Variants in METTL15 observed in about 807,000 individuals in gnomAD.
METTL15 encodes the protein methyltransferase 15, mitochondrial 12S rRNA N4-cytidine.
A neutral mutation model predicts 38.3 loss-of-function variants in METTL15; 34 were observed. The ratio of observed to expected loss-of-function variants is 0.89; its 90% CI spans 0.68 to 1.18. The LOEUF (loss-of-function observed/expected upper bound fraction) is 1.18. METTL15 is among the 50% of genes most tolerant of loss of function. The probability of loss-of-function intolerance (pLI) is 0.00; values close to 1 mark genes in which losing one functional copy is unlikely to be tolerated. For missense variants in METTL15, 438 were observed against 498.4 expected (o/e 0.88, Z 1.15); for synonymous variants, 162 against 170.9 (o/e 0.95, Z 0.41).
intron 4 of METTL15, among the ~76,000 whole-genome samples, chr11:28,260,015 G>C (rs1221160300): frequency 3.9e-5 from 6 of 152,066 alleles, no homozygotes; most frequent in Admixed American, 3.9e-4. Flanking sequence ...CATCCCTACT[G>C]CTGTAAATTT....
At chr11:28,195,643 C>A (rs57006672) in intron 3 of METTL15, among the ~76,000 whole-genome samples, 2 of 151,974 alleles carry the variant, frequency 1.3e-5, no homozygotes, top group South Asian at 4.1e-4. Context: ...CACATATTTT[C>A]TCTCATTCTC....
intron 6 of METTL15, among the ~76,000 whole-genome samples, chr11:28,439,065 T>G (rs1250921374): frequency 1.3e-5 from 2 of 151,590 alleles, no homozygotes; most frequent in Non-Finnish European, 2.9e-5. Flanking sequence ...GATGTCTGTG[T>G]AAGATCCAGC....
intron 4 of METTL15, chr11:28,287,449 T>C (rs538120596): frequency 5.2e-4 from 225 of 430,560 alleles, no homozygotes; most frequent in African/African-American, 4.3e-3. Context: ...CACAACAATT[T>C]TCCTAGCAAT....
At chr11:28,459,435 T>G (rs1002496065) in intron 6 of METTL15, among the ~76,000 whole-genome samples, 6 of 152,174 alleles carry the variant, frequency 3.9e-5, no homozygotes, top group Admixed American at 1.3e-4. Flanking sequence ...AGAAACTGTG[T>G]CTTTCTAAAG....
At chr11:28,199,116 G>A (rs569627161) in intron 3 of METTL15, among the ~76,000 whole-genome samples, 5 of 152,074 alleles carry the variant, frequency 3.3e-5, no homozygotes, top group South Asian at 4.2e-4. Flanking sequence ...GTTTGGAGGC[G>A]CAATATTCCC....
chr11:28,219,124 C>T (rs1011173226), intron 4 of METTL15, among the ~76,000 whole-genome samples: 13 of 151,996 alleles, frequency 8.6e-5, no homozygotes, highest in Admixed American at 6.6e-4. Flanking sequence ...GAATAGTTTT[C>T]GAAGGAATGG....
At chr11:28,206,332 C>T (rs1852341702) in intron 3 of METTL15, among the ~76,000 whole-genome samples, 1 of 152,058 alleles carries the variant, frequency 6.6e-6, no homozygotes, top group South Asian at 2.1e-4. Context: ...ATGTGGCTAG[C>T]CAGTTTTCCC....
At chr11:28,495,977 A>C (rs1851532561) in intron 6 of METTL15, among the ~76,000 whole-genome samples, 1 of 152,206 alleles carries the variant, frequency 6.6e-6, no homozygotes, top group Admixed American at 6.5e-5. Flanking sequence ...TCCTGAATGC[A>C]TGGGGGTCCG....
chr11:28,159,350 G>A (rs1030908029), intron 3 of METTL15, among the ~76,000 whole-genome samples: 2 of 151,932 alleles, frequency 1.3e-5, no homozygotes, highest in African/African-American at 4.8e-5. Context: ...ACCATGCCCT[G>A]TGATTAAGGT....
rs10660185 is a variant in METTL15 at position 28,161,107 on chromosome 11, C to CT, written c.270+47522dup. Among the ~76,000 whole-genome samples, 433 of 131,766 alleles carry CT rather than the reference C, an allele frequency of 3.3e-3. 12 individuals carry two copies. Among genetic ancestry groups the CT allele is most frequent in the African/African-American group, 7.9e-3 (291 of 36,868 alleles). The allele number at this position is 131,766 out of a possible 152,430, so 86.4% of individuals were successfully genotyped here. A position where few individuals can be genotyped will look rare whatever the true frequency, so the allele number is the denominator to read the frequency against. ...GATATAGTCAGATGTTTGCACCTTC[C>CT]TTTTTTTTTTTTTTTTTTTGTTTTT... On this transcript the variant is annotated intron_variant, in intron 3 of 6. Transcript: ENST00000407364.
intron 5 of METTL15, among the ~76,000 whole-genome samples, 171 bp downstream of exon 5, chr11:28,290,568 T>C (rs891466267): frequency 1.3e-5 from 2 of 152,174 alleles, no homozygotes; most frequent in Non-Finnish European, 2.9e-5. Flanking sequence ...AGTATTTCTC[T>C]GGATTTGGGA....
chr11:28,433,163 G>GTTTTTTTTTTTTTTTT (rs1209820099), intron 6 of METTL15, among the ~76,000 whole-genome samples: 1 of 93,776 alleles, frequency 1.1e-5, no homozygotes, highest in Non-Finnish European at 2.9e-5. Context: ...GTTTTGTTTT[G>GTTTTTTTTTTTTTTTT]TTTTTTTTGT....
chr11:28,488,835 T>A (rs1158780327), intron 6 of METTL15, among the ~76,000 whole-genome samples: 1 of 152,112 alleles, frequency 6.6e-6, no homozygotes, highest in Admixed American at 6.6e-5. Context: ...CTTTATTCCA[T>A]CTCTTCCTTC....
At chr11:28,313,830 G>T (rs984200114) in intron 6 of METTL15, among the ~76,000 whole-genome samples, 1 of 151,844 alleles carries the variant, frequency 6.6e-6, no homozygotes, top group Non-Finnish European at 1.5e-5. Flanking sequence ...AATAATTTGG[G>T]CATATTTAAG....
At chr11:28,118,739 A>G (rs1447010711) in intron 3 of METTL15, among the ~76,000 whole-genome samples, 6 of 152,164 alleles carry the variant, frequency 3.9e-5, no homozygotes, top group African/African-American at 1.4e-4. Flanking sequence ...CCCCACTAGT[A>G]CAAGTAGCTG....
chr11:28,160,186 C>T (rs752347480), intron 3 of METTL15, among the ~76,000 whole-genome samples: 12 of 151,786 alleles, frequency 7.9e-5, no homozygotes, highest in African/African-American at 2.2e-4. Context: ...TTTTGGCACT[C>T]GAACTGAGTT....
chr11:28,371,766 G>A lies in METTL15; in HGVS notation c.*358+9730G>A, dbSNP rs36098707. Among the ~76,000 whole-genome samples, 770 of 151,914 alleles carry A rather than the reference G, an allele frequency of 5.1e-3. 2 individuals are homozygous for A. Among genetic ancestry groups the A allele is most frequent in the Admixed American group, 0.01 (156 of 15,218 alleles). ...TATTATTTGAAGCCATTGTACATGGGTTTGCTTCTTAATTTATTTTTCAGA... is the reference window on the plus strand; with the variant it reads ...TATTATTTGAAGCCATTGTACATGGATTTGCTTCTTAATTTATTTTTCAGA... On this transcript the variant is annotated intron_variant and NMD_transcript_variant, in intron 5 of 7. Transcript: ENST00000532947.
intron 4 of METTL15, among the ~76,000 whole-genome samples, chr11:28,283,090 CTTTA>C (rs1856117043): frequency 2.6e-5 from 4 of 152,070 alleles, no homozygotes; most frequent in Non-Finnish European, 5.9e-5. Context: ...TACTTAAAGC[CTTTA>C]TTTAATACTA....
At chr11:28,136,917 G>A (rs1172371237) in intron 3 of METTL15, among the ~76,000 whole-genome samples, 1 of 151,532 alleles carries the variant, frequency 6.6e-6, no homozygotes, top group Admixed American at 6.6e-5. Context: ...AAAAAAAAAG[G>A]TAAAACCTTT....
Sources: allele counts gnomAD v4.1 joint callset (sites outside exome capture counted in the v4.1 genomes callset), GRCh38; gene constraint gnomAD v4.1.1; transcripts MANE v1.5; gene names NCBI Gene and HGNC (gene_info 2026-07-23, HGNC 2026-07-21).